AUH: variants seen among roughly 807,000 people sequenced by gnomAD.
AUH encodes the protein methylglutaconyl-CoA hydratase, mitochondrial.
Under a neutral mutation model 42.3 loss-of-function variants are expected in AUH, and 29 were observed. That is an observed-to-expected ratio of 0.69 (90% CI 0.51 to 0.93). The LOEUF (loss-of-function observed/expected upper bound fraction) is 0.93. Among genes scored for constraint, AUH ranks in the 40% least tolerant of loss-of-function variants. AUH has a pLI of 0.00. For missense variants in AUH, 452 were observed against 438.1 expected, an observed-to-expected ratio of 1.03 and a Z score of -0.28; for synonymous variants, 174 against 166.4, an observed-to-expected ratio of 1.05 and a Z score of -0.35.
intron 3 of AUH, among the ~76,000 whole-genome samples, chr9:91,340,007 G>A (rs1355517785): frequency 6.6e-6 from 1 of 152,158 alleles, no homozygotes; most frequent in Non-Finnish European, 1.5e-5. Flanking sequence ...CCAGTAAAAT[G>A]CACTAGGGTT....
chr9:91,291,400 A>C (rs959600701), intron 6 of AUH, among the ~76,000 whole-genome samples: 1 of 152,194 alleles, frequency 6.6e-6, no homozygotes, highest in Non-Finnish European at 1.5e-5. Flanking sequence ...CATTACCAAC[A>C]AATGCTTACT....
rs555517015 is a variant in AUH, at chr9:91,288,035, T to C, written c.655+7986A>G. ...TGCTATTCAAACTTCCTAGTTTGAATATGCCTCCCCCCAGAAGCTGGGGGG... is the reference window on the plus strand; with the variant it reads ...TGCTATTCAAACTTCCTAGTTTGAACATGCCTCCCCCCAGAAGCTGGGGGG... On this transcript the variant is annotated intron_variant, in intron 6 of 9. Transcript: ENST00000375731. 1.6e-4 allele frequency among the ~76,000 whole-genome samples: 24 copies of C among 152,136 alleles called. No individual in the cohort carries two copies. The East Asian group carries it at 3.1e-3, about 20-fold the overall frequency.
At chr9:91,323,693 G>A (rs771588073) in intron 4 of AUH, among the ~76,000 whole-genome samples, 14 of 151,870 alleles carry the variant, frequency 9.2e-5, no homozygotes, top group Non-Finnish European at 1.6e-4. Flanking sequence ...CAAGGGGAGG[G>A]TCTCATTCAA....
chr9:91,328,523 G>A (rs926803881), intron 3 of AUH, among the ~76,000 whole-genome samples: 3 of 152,178 alleles, frequency 2.0e-5, no homozygotes, highest in African/African-American at 2.4e-5. Flanking sequence ...TATAAAAGCC[G>A]TAGCACGAAG....
intron 1 of AUH, among the ~76,000 whole-genome samples, chr9:91,358,207 C>G (rs561059400): frequency 2.2e-4 from 34 of 152,266 alleles, no homozygotes; most frequent in Non-Finnish European, 3.7e-4. Flanking sequence ...TCTGGCTTCA[C>G]CAATTGGATG....
intron 3 of AUH, among the ~76,000 whole-genome samples, chr9:91,350,495 G>A (rs371034568): frequency 8.6e-5 from 13 of 151,938 alleles, no homozygotes; most frequent in Middle Eastern, 3.4e-3. Flanking sequence ...ACAGTGGCTC[G>A]CGCCTGTAAT....
intron 6 of AUH, among the ~76,000 whole-genome samples, chr9:91,238,873 G>A (rs1008340262): frequency 6.6e-6 from 1 of 152,228 alleles, no homozygotes; most frequent in Non-Finnish European, 1.5e-5. Flanking sequence ...TGGGAGCCAT[G>A]AGAACCTTCA....
chr9:91,329,575 A>G (rs75119612), intron 3 of AUH, among the ~76,000 whole-genome samples: 3,387 of 152,132 alleles, frequency 0.022, 214 homozygotes, highest in East Asian at 0.22. Flanking sequence ...AATCTTGCTC[A>G]TTTTTTTAAA....
chr9:91,305,736 A>G (rs1587821638), intron 4 of AUH, among the ~76,000 whole-genome samples: 1 of 152,192 alleles, frequency 6.6e-6, no homozygotes, highest in Non-Finnish European at 1.5e-5. Context: ...CTTATGCTGT[A>G]AGAACTCATG....
chr9:91,342,995 A>G (rs1190388517), intron 3 of AUH: 2 of 152,104 alleles, frequency 1.3e-5, no homozygotes, highest in Non-Finnish European at 2.9e-5. Flanking sequence ...TCTTAGTAAC[A>G]TTTTCTTTTC....
chr9:91,265,836 A>G (rs1415400219), intron 6 of AUH, among the ~76,000 whole-genome samples: 1 of 152,096 alleles, frequency 6.6e-6, no homozygotes, highest in East Asian at 1.9e-4. Flanking sequence ...GGGCTTTTCA[A>G]CCCGTCTCAT....
intron 6 of AUH, among the ~76,000 whole-genome samples, chr9:91,222,686 C>G (rs1357176719): frequency 2.0e-5 from 3 of 152,076 alleles, no homozygotes; most frequent in African/African-American, 7.2e-5. Flanking sequence ...CCAATGGCAG[C>G]TGATTAGAAC....
chr9:91,344,901 A>G (rs925694375), intron 3 of AUH, among the ~76,000 whole-genome samples: 1 of 152,186 alleles, frequency 6.6e-6, no homozygotes, highest in African/African-American at 2.4e-5. Flanking sequence ...CACAATTGTT[A>G]ATAATTGATA....
At chr9:91,326,413 A>G (rs983495259) in intron 3 of AUH, among the ~76,000 whole-genome samples, 7 of 152,224 alleles carry the variant, frequency 4.6e-5, no homozygotes, top group Non-Finnish European at 1.0e-4. Context: ...GAGCATACAA[A>G]GACTAGCAAA....
At chr9:91,309,673 G>A (rs1828547684) in intron 4 of AUH, among the ~76,000 whole-genome samples, 1 of 152,178 alleles carries the variant, frequency 6.6e-6, no homozygotes, top group South Asian at 2.1e-4. Context: ...GGAGGACAGT[G>A]GTGAAGAGGG....
intron 4 of AUH, among the ~76,000 whole-genome samples, chr9:91,309,687 G>A (rs1828549600): frequency 6.6e-6 from 1 of 152,308 alleles, no homozygotes; most frequent in Admixed American, 6.5e-5. Context: ...AAGAGGGTGA[G>A]AGGTGAAAAA....
At chr9:91,219,810 T>C (rs2131208402) in intron 7 of AUH, among the ~76,000 whole-genome samples, 1 of 152,352 alleles carries the variant, frequency 6.6e-6, no homozygotes, top group Non-Finnish European at 1.5e-5. Flanking sequence ...TTTCTGAAAC[T>C]GGATGCAAGA....
chr9:91,244,068 T>G (rs1387881308), intron 6 of AUH, among the ~76,000 whole-genome samples: 1 of 152,082 alleles, frequency 6.6e-6, no homozygotes, highest in Non-Finnish European at 1.5e-5. Flanking sequence ...CTAAGACATA[T>G]CTCAAGAAAA....
chr9:91,309,558 A>C (rs1828537782), intron 4 of AUH, among the ~76,000 whole-genome samples: 1 of 152,180 alleles, frequency 6.6e-6, no homozygotes, highest in African/African-American at 2.4e-5. Flanking sequence ...ATAACTCGGA[A>C]ATAGAAAATC....
Sources: allele counts gnomAD v4.1 joint callset (sites outside exome capture counted in the v4.1 genomes callset), GRCh38; gene constraint gnomAD v4.1.1; transcripts MANE v1.5; gene names NCBI Gene and HGNC (gene_info 2026-07-23, HGNC 2026-07-21).